The following SGCZ variants were observed in gnomAD, a reference collection of about 807,000 sequenced individuals.
SGCZ encodes sarcoglycan zeta.
A neutral mutation model predicts 41.3 loss-of-function variants in SGCZ; 40 were observed. The observed-to-expected ratio is 0.97, with a 90% CI of 0.75 to 1.26. The LOEUF is 1.26. SGCZ is among the 50% of genes most tolerant of loss of function. The pLI is 0.00. For missense variants in SGCZ, 552 were observed against 369.8 expected (o/e 1.49, Z -4.04); for synonymous variants, 206 against 137.5 (o/e 1.50, Z -3.49).
At chr8:14,860,458 A>C (rs1282544743) in intron 1 of SGCZ, among the ~76,000 whole-genome samples, 1 of 151,298 alleles carries the variant, frequency 6.6e-6, no homozygotes, top group Non-Finnish European at 1.5e-5. Context: ...GAGAGAAGGA[A>C]AGAGAAGAGA....
intron 1 of SGCZ, among the ~76,000 whole-genome samples, chr8:14,950,741 A>G (rs969595139): frequency 2.0e-5 from 3 of 152,200 alleles, no homozygotes; most frequent in East Asian, 3.9e-4. Flanking sequence ...AAAGCAATAC[A>G]TAAGAGTTGA....
chr8:15,169,345 G>T (rs965227032), intron 1 of SGCZ, among the ~76,000 whole-genome samples: 1 of 152,198 alleles, frequency 6.6e-6, no homozygotes, highest in African/African-American at 2.4e-5. Context: ...AGTTCAGGAC[G>T]TTTGCAGGGG....
intron 1 of SGCZ, among the ~76,000 whole-genome samples, chr8:14,644,054 G>A (rs1224856230): frequency 6.6e-6 from 1 of 151,640 alleles, no homozygotes; most frequent in African/African-American, 2.4e-5. Flanking sequence ...CTTGAAATAA[G>A]AATGAAAATA....
chr8:14,542,031 G>C (rs748040787), intron 2 of SGCZ, among the ~76,000 whole-genome samples: 1 of 151,992 alleles, frequency 6.6e-6, no homozygotes, highest in Non-Finnish European at 1.5e-5. Context: ...CTGGATATTA[G>C]CTCTTTGTCA....
At chr8:15,201,816 A>G (rs897077912) in intron 1 of SGCZ, among the ~76,000 whole-genome samples, 1 of 152,206 alleles carries the variant, frequency 6.6e-6, no homozygotes, top group Non-Finnish European at 1.5e-5. Flanking sequence ...TTTTTTTCAC[A>G]GCACAGTCAT....
chr8:14,384,457 G>C (rs1325697069), intron 2 of SGCZ, among the ~76,000 whole-genome samples: 2 of 152,054 alleles, frequency 1.3e-5, no homozygotes, highest in African/African-American at 2.4e-5. Context: ...CTTGGAAAGA[G>C]GTTTTAGAAT....
At chr8:14,336,587 C>T (rs900500906) in intron 2 of SGCZ, among the ~76,000 whole-genome samples, 2 of 152,144 alleles carry the variant, frequency 1.3e-5, no homozygotes, top group Non-Finnish European at 2.9e-5. Context: ...TTCTTTGCAA[C>T]TTCGCCAGTA....
intron 3 of SGCZ, among the ~76,000 whole-genome samples, chr8:14,306,716 G>T (rs975914809): frequency 1.3e-5 from 2 of 152,132 alleles, no homozygotes; most frequent in African/African-American, 4.8e-5. Flanking sequence ...TTGTAAATTT[G>T]CATGCATTTG....
intron 1 of SGCZ, among the ~76,000 whole-genome samples, chr8:14,971,311 A>G (rs1801289368): frequency 6.6e-6 from 1 of 152,112 alleles, no homozygotes; most frequent in Non-Finnish European, 1.5e-5. Context: ...TATAATACCG[A>G]ATAGAAATAA....
rs943991083 is a variant in SGCZ, at chr8:14,347,567, CT to C, written c.235-23364del. Among the ~76,000 whole-genome samples the C allele has an allele frequency of 2.6e-4, 39 of 151,090 alleles. 1 individual carries two copies. Among genetic ancestry groups the C allele is most frequent in the Non-Finnish European group, 4.4e-4 (30 of 67,780 alleles). ...CTTTGTATTTAATTTTTTTCTCCCACTTTTTTTTCTACTTTATGAATCTACA... is the reference window on the plus strand; with the variant it reads ...CTTTGTATTTAATTTTTTTCTCCCACTTTTTTTCTACTTTATGAATCTACA... On this transcript the variant is annotated intron_variant, in intron 2 of 7. Coordinates refer to ENST00000382080, the MANE Select transcript of SGCZ (RefSeq NM_139167.4).
intron 4 of SGCZ, among the ~76,000 whole-genome samples, chr8:14,229,927 T>C (rs548809179): frequency 6.6e-6 from 1 of 152,254 alleles, no homozygotes; most frequent in African/African-American, 2.4e-5. Flanking sequence ...CTTAAACTGT[T>C]TTGTGGATTA....
At chr8:14,240,346 A>T (rs895213706) in intron 3 of SGCZ, among the ~76,000 whole-genome samples, 7 of 148,820 alleles carry the variant, frequency 4.7e-5, no homozygotes, top group Non-Finnish European at 8.9e-5. Context: ...AAAAAAAAAA[A>T]AAAAAAAAAG....
intron 4 of SGCZ, among the ~76,000 whole-genome samples, chr8:14,176,840 G>A (rs1458650510): frequency 1.3e-5 from 2 of 152,178 alleles, no homozygotes; most frequent in Non-Finnish European, 2.9e-5. Context: ...AAAATTAGCT[G>A]AAAAGCAATT....
At chr8:14,967,532 CTTAT>C (rs1462934736) in intron 1 of SGCZ, among the ~76,000 whole-genome samples, 5 of 152,136 alleles carry the variant, frequency 3.3e-5, no homozygotes, top group African/African-American at 9.7e-5. Flanking sequence ...TACTCAACTG[CTTAT>C]TTGACATCAA....
intron 2 of SGCZ, among the ~76,000 whole-genome samples, chr8:14,450,027 A>C (rs1009757924): frequency 2.0e-5 from 3 of 152,258 alleles, no homozygotes; most frequent in Non-Finnish European, 4.4e-5. Flanking sequence ...ACTCTTTTAC[A>C]GAAGAGAAAA....
chr8:14,645,478 T>TTATTTATATATATATA (rs1807178540), intron 1 of SGCZ, among the ~76,000 whole-genome samples: 1 of 106,594 alleles, frequency 9.4e-6, no homozygotes, highest in African/African-American at 2.9e-5. Flanking sequence ...ATATATATAT[T>TTATTTATATATATATA]TATATGTATA....
intron 4 of SGCZ, among the ~76,000 whole-genome samples, chr8:14,217,724 C>A (rs1053946525): frequency 6.7e-6 from 1 of 148,288 alleles, no homozygotes; most frequent in Non-Finnish European, 1.5e-5. Flanking sequence ...CTCACTCCTG[C>A]GTTCAAGCAA....
intron 2 of SGCZ, among the ~76,000 whole-genome samples, chr8:14,462,312 T>C (rs1036073644): frequency 4.6e-5 from 7 of 152,058 alleles, no homozygotes; most frequent in Non-Finnish European, 1.0e-4. Context: ...TTTATGCATT[T>C]ACAAAAATTC....
intron 2 of SGCZ, among the ~76,000 whole-genome samples, chr8:14,349,116 A>C (rs1802998310): frequency 6.6e-6 from 1 of 152,120 alleles, no homozygotes; most frequent in Admixed American, 6.6e-5. Context: ...CACTAATCTC[A>C]AATCTATTAT....
Sources: gnomAD v4.1 joint callset for allele counts (sites outside exome capture counted in the v4.1 genomes callset) on GRCh38, gnomAD v4.1.1 for gene constraint, MANE v1.5 for transcripts, NCBI Gene and HGNC (gene_info 2026-07-23, HGNC 2026-07-21) for gene names.